FNDC3B: variants seen among roughly 807,000 people sequenced by gnomAD.
FNDC3B encodes the protein fibronectin type III domain containing 3B.
Under a neutral mutation model 151.5 loss-of-function variants are expected in FNDC3B, and 12 were observed. The ratio of observed to expected loss-of-function variants is 0.08; its 90% CI spans 0.05 to 0.13. The LOEUF (loss-of-function observed/expected upper bound fraction) is 0.13, where lower values mean the gene tolerates loss of function less well. FNDC3B is among the 10% of genes least tolerant of loss of function. The pLI, the probability that FNDC3B is intolerant of heterozygous loss-of-function variation, is 1.00. For missense variants in FNDC3B, 1,214 were observed against 1,505.3 expected (o/e 0.81, Z 3.20); for synonymous variants, 528 against 549.0 (o/e 0.96, Z 0.54).
At chr3:172,330,437 C>A in intron 12 of FNDC3B, 104 bp from the exon 13 acceptor site, 1 of 994,616 alleles carries the variant, frequency 1.0e-6, no homozygotes, top group Non-Finnish European at 1.5e-6. Context: ...CTTACTCTAC[C>A]TGCTAGGCTG....
chr3:172,100,920 A>C (rs1380689524), intron 1 of FNDC3B, among the ~76,000 whole-genome samples: 1 of 152,208 alleles, frequency 6.6e-6, no homozygotes, highest in Non-Finnish European at 1.5e-5. Flanking sequence ...TTTTTGAAAA[A>C]ATATTTGAAC....
chr3:172,355,441 C>T (rs1223429967), intron 22 of FNDC3B, among the ~76,000 whole-genome samples: 1 of 152,148 alleles, frequency 6.6e-6, no homozygotes, highest in Non-Finnish European at 1.5e-5. Context: ...GGACCAACAG[C>T]ATTAGCATCA....
At chr3:172,267,921 G>C (rs150758765) in intron 6 of FNDC3B, among the ~76,000 whole-genome samples, 1 of 152,344 alleles carries the variant, frequency 6.6e-6, no homozygotes, top group East Asian at 1.9e-4. Context: ...CATGTAGGCA[G>C]AGTCTAATAA....
intron 4 of FNDC3B, among the ~76,000 whole-genome samples, chr3:172,236,628 G>T (rs1169654192): frequency 6.6e-6 from 1 of 152,132 alleles, no homozygotes; most frequent in Non-Finnish European, 1.5e-5. Flanking sequence ...GTTCTCTGCA[G>T]TATCTGGAGA....
At chr3:172,269,608 C>A (rs7647839) in intron 6 of FNDC3B, among the ~76,000 whole-genome samples, 12,530 of 152,012 alleles carry the variant, frequency 0.082, 796 homozygotes, top group African/African-American at 0.18. Flanking sequence ...AACTGTACTA[C>A]AAATCTGTGT....
At position 172,247,768 on chromosome 3, in the gene FNDC3B, G is replaced by A. The variant is rs115687538; in HGVS notation, c.500G>A (p.Gly167Asp). 1 of 1,613,990 alleles carries A rather than the reference G, an allele frequency of 6.2e-7. No homozygotes were observed. Among genetic ancestry groups the A allele is most frequent in the African/African-American group, 1.3e-5 (1 of 74,898 alleles). Residue 167 changes from glycine to aspartate, a missense_variant, in exon 5 of 26, where the codon GGT (glycine) becomes GAT (aspartate). Gly to Asp is a moderately conservative substitution (Grantham distance 94). Around this residue, in one of 7 missense-constraint regions of FNDC3B, gnomAD observed 166 missense variants for 173.2 expected, o/e 0.96. Transcript: ENST00000415807. ...PQHHLPHTIY[G>D]EQEIIPFYGM... ...CATCATCTTCCCCACACAATATATG[G>A]TGAGCAAGGTGAGTAGATTTTCGTT... is the stretch of plus-strand genomic sequence containing the variant.
At chr3:172,365,867 A>T (rs146987748) in intron 23 of FNDC3B, among the ~76,000 whole-genome samples, 4 of 152,204 alleles carry the variant, frequency 2.6e-5, no homozygotes, top group Non-Finnish European at 5.9e-5. Context: ...TAATTATCAT[A>T]TTAAAGAGTT....
intron 1 of FNDC3B, among the ~76,000 whole-genome samples, chr3:172,099,886 T>G (rs1023832628): frequency 1.3e-5 from 2 of 152,214 alleles, no homozygotes; most frequent in Non-Finnish European, 2.9e-5. Context: ...TATAACTTGC[T>G]TGTGTGGAGC....
intron 3 of FNDC3B, among the ~76,000 whole-genome samples, chr3:172,192,622 T>G (rs957703801): frequency 6.6e-6 from 1 of 152,200 alleles, no homozygotes; most frequent in African/African-American, 2.4e-5. Context: ...GTACTAATAC[T>G]AATTCAGTAA....
chr3:172,347,313 T>C lies in FNDC3B; in HGVS notation c.2466T>C (p.Phe822=). 1 of 1,614,114 alleles carries C rather than the reference T, an allele frequency of 6.2e-7. No homozygotes were observed. Among genetic ancestry groups the C allele is most frequent in the Non-Finnish European group, 8.5e-7 (1 of 1,179,988 alleles). The change falls in exon 21 of 26, where the codon TTT becomes TTC. Residue 822 remains phenylalanine (F), a synonymous_variant. Coordinates refer to ENST00000415807, the MANE Select transcript of FNDC3B (RefSeq NM_022763.4). ...ELIYHGTDTR[F]EIRDLLPAAQ... is the part of the protein sequence containing the mutation. ...TTTATCATGGGACAGACACCCGTTTTGAAATAAGAGACCTGTTGCCTGCTG... is the reference window on the plus strand; with the variant it reads ...TTTATCATGGGACAGACACCCGTTTCGAAATAAGAGACCTGTTGCCTGCTG...
intron 4 of FNDC3B, among the ~76,000 whole-genome samples, chr3:172,240,593 T>C (rs1727444465): frequency 6.6e-6 from 1 of 152,206 alleles, no homozygotes; most frequent in South Asian, 2.1e-4. Context: ...AAAACTTTGA[T>C]GTACACACCA....
At position 172,199,118 on chromosome 3, in the gene FNDC3B, C is replaced by T. The variant is rs139512036; in HGVS notation, c.188-27753C>T. 5.1e-4 allele frequency among the ~76,000 whole-genome samples: 77 copies of T among 152,074 alleles called. 1 individual carries two copies. The highest frequency in any genetic ancestry group is 1.7e-3 in the African/African-American group (72 of 41,500). On this transcript the variant is annotated intron_variant, in intron 3 of 25. Coordinates refer to ENST00000415807, the MANE Select transcript of FNDC3B (RefSeq NM_022763.4). ...TGCTGGGATTATAGGTGTAAGCCAC[C>T]ATGCTTGGCCCATTTTCATTTTTAA...
intron 4 of FNDC3B, among the ~76,000 whole-genome samples, chr3:172,235,346 T>C (rs564606431): frequency 7.9e-5 from 12 of 152,154 alleles, no homozygotes; most frequent in Non-Finnish European, 8.8e-5. Flanking sequence ...AAAATTTCAG[T>C]TGGATGTTAG....
At chr3:172,250,674 G>T (rs912528778) in intron 5 of FNDC3B, among the ~76,000 whole-genome samples, 6 of 152,050 alleles carry the variant, frequency 3.9e-5, no homozygotes, top group African/African-American at 1.4e-4. Flanking sequence ...AGCTCTTTAG[G>T]GATAACAACC....
At chr3:172,365,954 G>A (rs1341826195) in intron 23 of FNDC3B, among the ~76,000 whole-genome samples, 1 of 152,126 alleles carries the variant, frequency 6.6e-6, no homozygotes, top group Non-Finnish European at 1.5e-5. Context: ...ACTAGAAGAC[G>A]ATCTCTGATA....
intron 22 of FNDC3B, 31 bp from the exon 23 acceptor site, chr3:172,362,602 A>C: frequency 6.7e-7 from 1 of 1,498,646 alleles, no homozygotes; most frequent in Non-Finnish European, 9.3e-7. Flanking sequence ...TTTAACCTGC[A>C]TTGTCTGTAT....
chr3:172,042,530 C>T (rs1375704983), intron 1 of FNDC3B, among the ~76,000 whole-genome samples: 1 of 152,208 alleles, frequency 6.6e-6, no homozygotes, highest in African/African-American at 2.4e-5. Context: ...GTGTTAATAG[C>T]TCCTTTCTGG....
chr3:172,210,152 G>GGGC (rs1725658328), intron 3 of FNDC3B, among the ~76,000 whole-genome samples: 1 of 152,152 alleles, frequency 6.6e-6, no homozygotes, highest in Non-Finnish European at 1.5e-5. Context: ...CAACTTGGTA[G>GGGC]GGCACAGGGT....
chr3:172,328,702 CAGG>C (rs1175037892), intron 11 of FNDC3B, among the ~76,000 whole-genome samples: 1 of 152,178 alleles, frequency 6.6e-6, no homozygotes, highest in Non-Finnish European at 1.5e-5. Context: ...AAAAAAACCA[CAGG>C]TACAGTAAAT....
Sources: gnomAD v4.1 joint callset for allele counts (sites outside exome capture counted in the v4.1 genomes callset) on GRCh38, gnomAD v4.1.1 for gene constraint, gnomAD v4.1.1 regional missense constraint, MANE v1.5 for transcripts, NCBI Gene and HGNC (gene_info 2026-07-23, HGNC 2026-07-21) for gene names.